PHF24: variants seen among roughly 807,000 people sequenced by gnomAD.
The protein encoded by PHF24 is Galpha inhibitory interacting protein.
Under a neutral mutation model 42.6 loss-of-function variants are expected in PHF24, and 25 were observed. The ratio of observed to expected loss-of-function variants is 0.59; its 90% CI spans 0.43 to 0.82. The LOEUF (loss-of-function observed/expected upper bound fraction) is 0.82. Among genes scored for constraint, PHF24 ranks in the 40% least tolerant of loss-of-function variants. The probability of loss-of-function intolerance (pLI) is 0.00; values close to 1 mark genes in which losing one functional copy is unlikely to be tolerated. For missense variants in PHF24, 470 were observed against 538.1 expected, an observed-to-expected ratio of 0.87 and a Z score of 1.25; for synonymous variants, 185 against 204.8, an observed-to-expected ratio of 0.90 and a Z score of 0.83.
At chr9:34,917,068 G>A in the PHF24 span, 13 of 685,538 alleles carry the variant, frequency 1.9e-5, no homozygotes, top group East Asian at 1.1e-4. Flanking sequence ...GGTGAAGAGC[G>A]GAGCGTGTGA....
chr9:34,689,047 G>A, the PHF24 span, among the ~76,000 whole-genome samples: 2 of 152,202 alleles, frequency 1.3e-5, no homozygotes, highest in Non-Finnish European at 2.9e-5. This position sits in a 1 kb window ranked among gnomAD's most constrained non-coding sequence, Gnocchi z 4.1. Context: ...TGGGAAGCCA[G>A]GTGGGCAGAG....
chr9:34,925,984 G>A, the PHF24 span, among the ~76,000 whole-genome samples: 1 of 152,208 alleles, frequency 6.6e-6, no homozygotes. Context: ...GTTGGTTCAT[G>A]GGGTGTACTG....
chr9:34,970,050 A>C (rs1007146469), intron 1 of PHF24, among the ~76,000 whole-genome samples: 25 of 152,212 alleles, frequency 1.6e-4, no homozygotes, highest in African/African-American at 5.8e-4. Context: ...TCTGTTTCCT[A>C]TGATGAGCAG....
the PHF24 span, among the ~76,000 whole-genome samples, chr9:34,933,880 G>T: frequency 6.6e-6 from 1 of 151,664 alleles, no homozygotes; most frequent in Admixed American, 6.6e-5. Context: ...TTCAAGCTGG[G>T]ATCACAGGTG....
upstream of PHF24, among the ~76,000 whole-genome samples, chr9:34,958,070 C>T (rs998439427): frequency 6.7e-6 from 1 of 149,874 alleles, no homozygotes; most frequent in Non-Finnish European, 1.5e-5. The surrounding 1 kb of genome is among the most constrained non-coding windows in gnomAD (Gnocchi z 4.5). Context: ...GCGCGCCCGT[C>T]GCCGGTCACC....
At chr9:34,908,240 C>T in the PHF24 span, among the ~76,000 whole-genome samples, 1 of 152,190 alleles carries the variant, frequency 6.6e-6, no homozygotes, top group Admixed American at 6.5e-5. Context: ...GGAAGGGGCA[C>T]TTCTTGTTGT....
chr9:34,886,754 A>G, the PHF24 span, among the ~76,000 whole-genome samples: 134,986 of 147,610 alleles, frequency 0.91, 62,175 homozygotes, highest in Non-Finnish European at 0.99. Flanking sequence ...CTATCTATCT[A>G]TCTGTCTGTC....
chr9:34,919,707 C>CACACACACACACACACACACAG, the PHF24 span, among the ~76,000 whole-genome samples: 1 of 152,064 alleles, frequency 6.6e-6, no homozygotes, highest in Non-Finnish European at 1.5e-5. Context: ...CACACACACA[C>CACACACACACACACACACACAG]ACATCCCAAC....
chr9:34,671,218 T>A, the PHF24 span, among the ~76,000 whole-genome samples: 1 of 152,212 alleles, frequency 6.6e-6, no homozygotes, highest in Non-Finnish European at 1.5e-5. Context: ...GGAGAGGGTT[T>A]GGTCTGCTCA....
At chr9:34,915,910 C>CT in the PHF24 span, among the ~76,000 whole-genome samples, 20 of 22,676 alleles carry the variant, frequency 8.8e-4, no homozygotes, top group South Asian at 2.6e-3. Context: ...TGGAAGCGGT[C>CT]CCCCCCCACA....
chr9:34,816,004 G>A, the PHF24 span, among the ~76,000 whole-genome samples: 1 of 151,968 alleles, frequency 6.6e-6, no homozygotes, highest in African/African-American at 2.4e-5. Flanking sequence ...TTCATAGTCT[G>A]CATGACATAA....
At chr9:34,682,786 G>A in the PHF24 span, among the ~76,000 whole-genome samples, 2 of 152,154 alleles carry the variant, frequency 1.3e-5, no homozygotes, top group African/African-American at 4.8e-5. Flanking sequence ...TAGGAAACTA[G>A]TAGTGATGTG....
At chr9:34,754,291 CAA>C in the PHF24 span, among the ~76,000 whole-genome samples, 1 of 152,184 alleles carries the variant, frequency 6.6e-6, no homozygotes, top group South Asian at 2.1e-4. Context: ...ATTCATCTGA[CAA>C]GAGCTCTGGA....
At chr9:34,894,516 G>GA in the PHF24 span, 1 of 398,478 alleles carries the variant, frequency 2.5e-6, no homozygotes, top group Non-Finnish European at 4.4e-6. Context: ...AGAAACAGAA[G>GA]ATAGTGAGTG....
the PHF24 span, among the ~76,000 whole-genome samples, chr9:34,877,328 T>A: frequency 6.6e-6 from 1 of 150,444 alleles, no homozygotes; most frequent in South Asian, 2.1e-4. Context: ...TCAACATGGA[T>A]AAACCTTGAA....
chr9:34,767,049 C>T, the PHF24 span, among the ~76,000 whole-genome samples: 13 of 152,148 alleles, frequency 8.5e-5, no homozygotes, highest in African/African-American at 3.1e-4. Flanking sequence ...GCTGTCTGAT[C>T]GTTCCTCTGG....
chr9:34,704,478 A>AGTGT, the PHF24 span, among the ~76,000 whole-genome samples: 4,779 of 150,680 alleles, frequency 0.032, 102 homozygotes, highest in African/African-American at 0.045. Context: ...TGATTTCATT[A>AGTGT]GTGTGTGTGT....
intron 1 of PHF24, among the ~76,000 whole-genome samples, chr9:34,970,288 A>G (rs1339858612): frequency 6.6e-6 from 1 of 152,212 alleles, no homozygotes; most frequent in Non-Finnish European, 1.5e-5. Context: ...GTCTGATGTT[A>G]CTTTTTAACC....
At chr9:34,888,812 A>T in the PHF24 span, among the ~76,000 whole-genome samples, 3 of 152,288 alleles carry the variant, frequency 2.0e-5, no homozygotes, top group East Asian at 5.8e-4. Flanking sequence ...TCTGAGCCCA[A>T]CACACCATGG....
Sources: gnomAD v4.1 joint callset for allele counts (sites outside exome capture counted in the v4.1 genomes callset) on GRCh38, gnomAD v4.1.1 for gene constraint, Gnocchi (gnomAD v3.1) non-coding constraint, MANE v1.5 for transcripts, NCBI Gene and HGNC (gene_info 2026-07-23, HGNC 2026-07-21) for gene names.